NUDT3: variants seen among roughly 807,000 people sequenced by gnomAD.
The protein encoded by NUDT3 is diphosphoinositol polyphosphate phosphohydrolase 1.
Under a neutral mutation model 23.6 loss-of-function variants are expected in NUDT3, and 9 were observed. That is an observed-to-expected ratio of 0.38 (90% CI 0.23 to 0.66). The LOEUF is 0.66. NUDT3 is among the 30% of genes least tolerant of loss of function. The pLI is 0.52. For synonymous variants in NUDT3, 86 were observed against 82.6 expected (o/e 1.04, Z -0.22); for missense variants, 172 against 218.5 (o/e 0.79, Z 1.34).
At chr6:34,341,078 T>C (rs974797252) in intron 2 of NUDT3, among the ~76,000 whole-genome samples, 2 of 152,202 alleles carry the variant, frequency 1.3e-5, no homozygotes, top group Non-Finnish European at 2.9e-5. Flanking sequence ...GCACTACCTA[T>C]GTGGCCAGGG....
chr6:34,353,418 T>C (rs898898949), intron 1 of NUDT3, among the ~76,000 whole-genome samples: 2 of 151,470 alleles, frequency 1.3e-5, no homozygotes, highest in East Asian at 3.9e-4. Context: ...TTGTTTTACT[T>C]ACCTATACAC....
At chr6:34,349,128 T>C (rs1478513836) in intron 1 of NUDT3, among the ~76,000 whole-genome samples, 1 of 152,232 alleles carries the variant, frequency 6.6e-6, no homozygotes, top group Non-Finnish European at 1.5e-5. Context: ...CTTGAACTCC[T>C]GGGCTCAAGG....
chr6:34,356,139 A>C lies in NUDT3; in HGVS notation c.100-14167T>G, dbSNP rs527971330. On this transcript the variant is annotated intron_variant, in intron 1 of 4. Coordinates refer to ENST00000607016, the MANE Select transcript of NUDT3 (RefSeq NM_006703.4). ...GAACCAGATACTTAACAATGTAAGA[A>C]GGCCCTGGAAAGAAAGGATAAATGC... is the stretch of plus-strand genomic sequence containing the variant. Among the ~76,000 whole-genome samples, 4 of 152,332 alleles carry C rather than the reference A, an allele frequency of 2.6e-5. No individual in the cohort carries two copies. The South Asian group carries it at 8.3e-4, about 32-fold the overall frequency.
At chr6:34,361,869 G>A (rs551428747) in intron 1 of NUDT3, among the ~76,000 whole-genome samples, 2 of 152,290 alleles carry the variant, frequency 1.3e-5, no homozygotes, top group South Asian at 2.1e-4. Context: ...AGGGAGGGAT[G>A]AATAGGTAGA....
At chr6:34,315,761 C>T (rs947310175) in intron 2 of NUDT3, among the ~76,000 whole-genome samples, 2 of 152,106 alleles carry the variant, frequency 1.3e-5, no homozygotes, top group African/African-American at 4.8e-5. Context: ...AAATAAATTC[C>T]ACTTAATATC....
chr6:34,316,161 G>A (rs1045279307), intron 2 of NUDT3, among the ~76,000 whole-genome samples: 3 of 152,120 alleles, frequency 2.0e-5, no homozygotes, highest in African/African-American at 7.2e-5. Context: ...ACCACACCTG[G>A]CCCAAAAGCT....
chr6:34,364,296 T>C (rs1295636106), intron 1 of NUDT3, among the ~76,000 whole-genome samples: 3 of 152,234 alleles, frequency 2.0e-5, no homozygotes, highest in Non-Finnish European at 4.4e-5. Flanking sequence ...TATAACTGAA[T>C]ATAAATAAAC....
chr6:34,281,776 T>C lies in NUDT3; in HGVS notation c.*6977A>G, dbSNP rs920775518. ...GGCTAAACAACATTCTGGGAGCAAA[T>C]TGGATTTTTGAAGGGAGAGTCCTCT... is the stretch of plus-strand genomic sequence containing the variant. On this transcript the variant is annotated 3_prime_UTR_variant, in exon 5 of 5. Coordinates refer to ENST00000607016, the MANE Select transcript of NUDT3 (RefSeq NM_006703.4). 8 of 152,182 alleles carry C rather than the reference T, an allele frequency of 5.3e-5. No individual in the cohort carries two copies. Among genetic ancestry groups the C allele is most frequent in the African/African-American group, 1.4e-4 (6 of 41,438 alleles). 9.4% of individuals were successfully genotyped at this position (152,182 alleles called of 1,614,324 possible). A position where few individuals can be genotyped will look rare whatever the true frequency, so the allele number is the denominator to read the frequency against.
chr6:34,331,723 T>C (rs182330028), intron 2 of NUDT3, among the ~76,000 whole-genome samples: 1 of 152,336 alleles, frequency 6.6e-6, no homozygotes, highest in African/African-American at 2.4e-5. Context: ...AGATCAAGAA[T>C]TTTTTTAAAA....
chr6:34,357,473 A>G (rs1343886832), intron 1 of NUDT3, among the ~76,000 whole-genome samples: 1 of 151,962 alleles, frequency 6.6e-6, no homozygotes, highest in East Asian at 1.9e-4. Context: ...TTAGCGGGGC[A>G]TGGTAGTGAG....
intron 2 of NUDT3, among the ~76,000 whole-genome samples, chr6:34,320,643 G>A (rs574592624): frequency 6.6e-5 from 10 of 152,160 alleles, no homozygotes; most frequent in East Asian, 1.9e-4. Flanking sequence ...AGACCAGCCC[G>A]GTCAACATGG....
At chr6:34,391,378 C>T (rs963021419) in intron 1 of NUDT3, among the ~76,000 whole-genome samples, 19 of 152,210 alleles carry the variant, frequency 1.2e-4, no homozygotes, top group Admixed American at 1.2e-3. Context: ...AAAGCAGCTA[C>T]TCTTTTGTGG....
chr6:34,366,432 AAGAGAGAGAGAAGGAG>A (rs1196911667), intron 1 of NUDT3, among the ~76,000 whole-genome samples: 2 of 133,766 alleles, frequency 1.5e-5, no homozygotes, highest in South Asian at 2.7e-4. Flanking sequence ...AAGAGAGAGA[AAGAGAGAGAGAAGGAG>A]AGAGAGAGAG....
intron 1 of NUDT3, among the ~76,000 whole-genome samples, chr6:34,368,106 C>G (rs1003573612): frequency 2.0e-5 from 3 of 152,176 alleles, no homozygotes; most frequent in Non-Finnish European, 4.4e-5. Context: ...GAGGCTGAGG[C>G]AGAAGAATCA....
At chr6:34,352,994 AT>A (rs1228261650) in intron 1 of NUDT3, among the ~76,000 whole-genome samples, 13 of 152,130 alleles carry the variant, frequency 8.5e-5, no homozygotes, top group Non-Finnish European at 1.9e-4. Context: ...TCAAACATCT[AT>A]TTTTTTAATA....
chr6:34,370,793 T>TA (rs1387986735), intron 1 of NUDT3, among the ~76,000 whole-genome samples: 2 of 152,122 alleles, frequency 1.3e-5, no homozygotes, highest in Non-Finnish European at 2.9e-5. Flanking sequence ...CACCAACAAA[T>TA]AAAAAATGCA....
chr6:34,372,535 T>G (rs947601572), intron 1 of NUDT3, among the ~76,000 whole-genome samples: 2 of 152,084 alleles, frequency 1.3e-5, no homozygotes, highest in African/African-American at 4.8e-5. Flanking sequence ...TCAGGTGCAG[T>G]TGCTCACACC....
chr6:34,291,296 G>A (rs1041181078), intron 4 of NUDT3, among the ~76,000 whole-genome samples: 23 of 151,852 alleles, frequency 1.5e-4, no homozygotes, highest in African/African-American at 4.8e-4. Flanking sequence ...TTTTTAAAAC[G>A]TTCCCCGTTT....
rs143400578 is a variant in NUDT3, at chr6:34,372,429, T to C, written c.99+19835A>G. On this transcript the variant is annotated intron_variant, in intron 1 of 4. Coordinates refer to ENST00000607016, the MANE Select transcript of NUDT3 (RefSeq NM_006703.4). ...TGTTGTTTCCTGACTTTTTAATGAT[T>C]GCTATTCTAACTGGTGTGAGATGGT... Among the ~76,000 whole-genome samples, 1,400 of 152,214 alleles carry C rather than the reference T, an allele frequency of 9.2e-3. 20 individuals carry two copies. The highest frequency in any genetic ancestry group is 0.024 in the Middle Eastern group (7 of 294).
Sources: allele counts gnomAD v4.1 joint callset (sites outside exome capture counted in the v4.1 genomes callset), GRCh38; gene constraint gnomAD v4.1.1; transcripts MANE v1.5; gene names NCBI Gene and HGNC (gene_info 2026-07-23, HGNC 2026-07-21).